ADAMTSL3: variants seen among roughly 807,000 people sequenced by gnomAD.
ADAMTSL3 encodes the protein ADAMTS like 3.
ADAMTSL3 carries 128 observed loss-of-function variants against 201.7 expected under a neutral mutation model. That is an observed-to-expected ratio of 0.63 (90% CI 0.55 to 0.73). ADAMTSL3 has a LOEUF of 0.73. Ranked by LOEUF, ADAMTSL3 falls within the 30% of genes least tolerant of loss-of-function variation. The pLI is 0.00. For missense variants in ADAMTSL3, 1,990 were observed against 2,119.6 expected (o/e 0.94, Z 1.20); for synonymous variants, 738 against 748.4 (o/e 0.99, Z 0.23).
chr15:83,895,712 T>C (rs1237660148), intron 13 of ADAMTSL3, among the ~76,000 whole-genome samples: 1 of 152,196 alleles, frequency 6.6e-6, no homozygotes, highest in East Asian at 1.9e-4. Flanking sequence ...TTATATCTTG[T>C]ACTGTTTTCT....
At chr15:83,850,468 GTGTA>G (rs2064588919) in intron 7 of ADAMTSL3, among the ~76,000 whole-genome samples, 3 of 150,318 alleles carry the variant, frequency 2.0e-5, no homozygotes, top group Non-Finnish European at 4.4e-5. Flanking sequence ...GTTTATATAT[GTGTA>G]TGTATATGGG....
chr15:83,996,809 A>G (rs2067696085), intron 23 of ADAMTSL3, among the ~76,000 whole-genome samples: 7 of 143,252 alleles, frequency 4.9e-5, no homozygotes, highest in Admixed American at 4.2e-4. Context: ...AAAAAAAAAG[A>G]GCAAAAGATA....
intron 20 of ADAMTSL3, among the ~76,000 whole-genome samples, chr15:83,971,359 C>T (rs1370781519): frequency 2.0e-5 from 3 of 151,826 alleles, no homozygotes; most frequent in Admixed American, 6.6e-5. Context: ...AGATCAAGAC[C>T]ATCCTGGCTA....
chr15:83,987,630 C>T (rs1011140177), intron 21 of ADAMTSL3, among the ~76,000 whole-genome samples: 4 of 152,082 alleles, frequency 2.6e-5, no homozygotes, highest in Non-Finnish European at 5.9e-5. Flanking sequence ...CTGAGTTTGC[C>T]AGAAAGGAGG....
At chr15:83,687,057 G>A (rs2061546694) in intron 2 of ADAMTSL3, among the ~76,000 whole-genome samples, 1 of 139,008 alleles carries the variant, frequency 7.2e-6, no homozygotes, top group African/African-American at 3.0e-5. Flanking sequence ...CAAACAAACA[G>A]TTAGCTGGCA....
intron 2 of ADAMTSL3, among the ~76,000 whole-genome samples, chr15:83,686,517 C>G (rs1274988022): frequency 6.6e-6 from 1 of 152,124 alleles, no homozygotes; most frequent in Non-Finnish European, 1.5e-5. Context: ...TTTAGTTGTT[C>G]AGTTTCATTG....
At chr15:83,704,332 C>A in intron 2 of ADAMTSL3, 57 bp from the exon 3 acceptor site, 17 of 1,610,918 alleles carry the variant, frequency 1.1e-5, no homozygotes, top group Non-Finnish European at 1.4e-5. Context: ...TTGGACTTTA[C>A]CTGTCAGGGG....
intron 10 of ADAMTSL3, among the ~76,000 whole-genome samples, chr15:83,888,840 G>A (rs2065449867): frequency 6.6e-6 from 1 of 152,124 alleles, no homozygotes; most frequent in Non-Finnish European, 1.5e-5. Context: ...TTACATCCAA[G>A]CCATGTCTTG....
chr15:83,865,337 G>C (rs999238865), intron 8 of ADAMTSL3, among the ~76,000 whole-genome samples: 1 of 152,130 alleles, frequency 6.6e-6, no homozygotes, highest in Non-Finnish European at 1.5e-5. Flanking sequence ...AAAGCTGGGG[G>C]CATCACGCTA....
intron 27 of ADAMTSL3, among the ~76,000 whole-genome samples, chr15:84,029,290 T>G (rs1475249385): frequency 1.3e-5 from 2 of 152,148 alleles, no homozygotes; most frequent in East Asian, 3.9e-4. Context: ...GATAGTGGTG[T>G]GGACAATAAA....
In ADAMTSL3 at chr15:83,889,924, A is replaced by G. The variant is rs28705374; in HGVS notation, c.1073-185A>G. On this transcript the variant is annotated intron_variant, in intron 10 of 29. Coordinates refer to ENST00000286744, the MANE Select transcript of ADAMTSL3 (RefSeq NM_207517.3). ...ACAGGACTTCTGACTTAATTGGACC[A>G]TGAAGGAACCTGGGCATTAGAGTAT... Among the ~76,000 whole-genome samples, 37,927 of 152,012 alleles carry G rather than the reference A, an allele frequency of 0.25. 6,178 individuals carry two copies. Among genetic ancestry groups the G allele is most frequent in the African/African-American group, 0.47 (19,263 of 41,396 alleles).
At chr15:83,821,055 CA>C (rs2063855683) in intron 6 of ADAMTSL3, among the ~76,000 whole-genome samples, 1 of 151,226 alleles carries the variant, frequency 6.6e-6, no homozygotes, top group East Asian at 1.9e-4. Flanking sequence ...GTCTGAGTGA[CA>C]GAGCGAGACT....
chr15:83,913,368 A>G lies in ADAMTSL3; in HGVS notation c.1977A>G (p.Thr659=), dbSNP rs148832632. ...CTGGGTTCACCCCTTGCACAGCAAC[A>G]TGCGTGGGAGGTATTTGAACCTTTG... The part of the protein sequence containing the change: ...EYAGFTPCTA[T]CVGGHQEAIA... Residue 659 remains threonine (T), a synonymous_variant, in exon 16 of 30, where the codon ACA becomes ACG. Coordinates refer to ENST00000286744, the MANE Select transcript of ADAMTSL3 (RefSeq NM_207517.3). 1.7e-4 allele frequency: 270 copies of G among 1,613,194 alleles called. No homozygotes were observed. The highest frequency in any genetic ancestry group is 1.6e-4 in the Middle Eastern group (1 of 6,084).
At chr15:83,821,848 C>A (rs1291649963) in intron 6 of ADAMTSL3, among the ~76,000 whole-genome samples, 4 of 150,574 alleles carry the variant, frequency 2.7e-5, no homozygotes, top group Admixed American at 2.6e-4. Flanking sequence ...ACCTCCCGGA[C>A]GGGGCGGCTG....
intron 2 of ADAMTSL3, among the ~76,000 whole-genome samples, chr15:83,684,409 C>G (rs1198174470): frequency 6.6e-6 from 1 of 152,034 alleles, no homozygotes; most frequent in East Asian, 1.9e-4. Flanking sequence ...TTATTTTGTA[C>G]TTTTAAAACT....
rs536451007 is a variant in ADAMTSL3, at chr15:83,762,078, GTC to G, written c.190-11442_190-11441del. 2.8e-4 allele frequency among the ~76,000 whole-genome samples: 42 copies of G among 151,290 alleles called. No homozygotes were observed. The South Asian group carries it at 8.7e-3, about 31-fold the overall frequency. On this transcript the variant is annotated intron_variant, in intron 3 of 29. Transcript: ENST00000286744. ...ATGATTTTTTTTTTTTTGAGATGGA[GTC>G]TCGCTCTATCACCAGGCTGGAGTGC...
chr15:83,689,461 G>C (rs1205714563), intron 2 of ADAMTSL3, among the ~76,000 whole-genome samples: 1 of 152,128 alleles, frequency 6.6e-6, no homozygotes, highest in African/African-American at 2.4e-5. Context: ...ATTTTTTGCT[G>C]TCACTGTTTT....
At chr15:83,835,543 C>G (rs1010121871) in intron 6 of ADAMTSL3, among the ~76,000 whole-genome samples, 1 of 152,208 alleles carries the variant, frequency 6.6e-6, no homozygotes, top group South Asian at 2.1e-4. Context: ...CCTAAGCCCA[C>G]GCCCTTCCTG....
At chr15:83,817,608 A>G (rs1393066253) in intron 5 of ADAMTSL3, among the ~76,000 whole-genome samples, 1 of 152,254 alleles carries the variant, frequency 6.6e-6, no homozygotes, top group Non-Finnish European at 1.5e-5. Context: ...CAAAGAGTTG[A>G]TAATTTCACT....
Sources: allele counts gnomAD v4.1 joint callset (sites outside exome capture counted in the v4.1 genomes callset), GRCh38; gene constraint gnomAD v4.1.1; transcripts MANE v1.5; gene names NCBI Gene and HGNC (gene_info 2026-07-23, HGNC 2026-07-21).